The following DCDC1 variants were observed in gnomAD, a reference collection of about 807,000 sequenced individuals.
DCDC1 encodes the protein doublecortin domain containing 1.
Under a neutral mutation model 178.3 loss-of-function variants are expected in DCDC1, and 200 were observed. That is an observed-to-expected ratio of 1.12 (90% CI 1.00 to 1.26). DCDC1 has a LOEUF of 1.26. Among genes scored for constraint, DCDC1 ranks in the 50% most tolerant of loss-of-function variants. The pLI, the probability that DCDC1 is intolerant of heterozygous loss-of-function variation, is 0.00. For missense variants in DCDC1, 1,983 were observed against 1,749.2 expected (o/e 1.13, Z -2.38); for synonymous variants, 690 against 604.8 (o/e 1.14, Z -2.07).
intron 9 of DCDC1, among the ~76,000 whole-genome samples, chr11:31,148,632 T>C (rs1287317483): frequency 1.3e-5 from 2 of 152,114 alleles, no homozygotes; most frequent in Non-Finnish European, 2.9e-5. Context: ...TTTAAAATGG[T>C]TGTTATGCTT....
At chr11:31,206,189 A>G (rs1971843598) in intron 9 of DCDC1, among the ~76,000 whole-genome samples, 1 of 152,238 alleles carries the variant, frequency 6.6e-6, no homozygotes, top group South Asian at 2.1e-4. Flanking sequence ...CATAGTGCTC[A>G]TAGATTACTT....
chr11:30,881,335 T>A lies in DCDC1; in HGVS notation c.5083-27A>T, dbSNP rs374793604. ...TGAGACACAGAGGGACAGCCACATT[T>A]GAATACGGAATGGCACAATATGATC... is the stretch of plus-strand genomic sequence containing the variant. On this transcript the variant is annotated intron_variant, in intron 36 of 38. Transcript: ENST00000684477. The A allele has an allele frequency of 4.3e-5, 69 of 1,610,832 alleles. No individual in the cohort carries two copies. In the South Asian group the frequency reaches 6.3e-4, roughly 15 times the overall value.
At chr11:30,938,666 C>G (rs898816820) in intron 21 of DCDC1, among the ~76,000 whole-genome samples, 3 of 152,172 alleles carry the variant, frequency 2.0e-5, no homozygotes, top group African/African-American at 7.2e-5. Context: ...GCTTGGCACA[C>G]CCAATCCCCA....
chr11:31,289,952 G>C (rs1591654080), intron 7 of DCDC1, among the ~76,000 whole-genome samples: 1 of 151,958 alleles, frequency 6.6e-6, no homozygotes, highest in Non-Finnish European at 1.5e-5. Context: ...ATTATTATTA[G>C]GTTGCTTTTA....
chr11:31,328,358 T>C, intron 2 of DCDC1, 72 bp from the exon 3 acceptor site: 1 of 1,419,168 alleles, frequency 7.0e-7, no homozygotes, highest in South Asian at 1.5e-5. Flanking sequence ...AGGCTGGGCA[T>C]TAAACACAAC....
At chr11:30,951,663 A>G (rs1948432221) in intron 21 of DCDC1, among the ~76,000 whole-genome samples, 2 of 152,136 alleles carry the variant, frequency 1.3e-5, no homozygotes, top group South Asian at 4.1e-4. Flanking sequence ...AAAGTAACAA[A>G]TTAATATACT....
At chr11:30,959,805 G>A (rs1337206628) in intron 20 of DCDC1, among the ~76,000 whole-genome samples, 3 of 152,130 alleles carry the variant, frequency 2.0e-5, no homozygotes, top group Non-Finnish European at 4.4e-5. Flanking sequence ...TCCTTCCCAA[G>A]ATATGTGGGT....
At chr11:31,157,368 A>ATATATATATAT (rs71451195) in intron 9 of DCDC1, among the ~76,000 whole-genome samples, 1 of 109,234 alleles carries the variant, frequency 9.2e-6, no homozygotes, top group Middle Eastern at 4.5e-3. Flanking sequence ...AAAAAAAAAA[A>ATATATATATAT]AAAAATATAT....
intron 9 of DCDC1, among the ~76,000 whole-genome samples, chr11:31,202,411 GA>G (rs941689786): frequency 1.4e-4 from 21 of 147,176 alleles, no homozygotes; most frequent in Admixed American, 6.1e-4. Context: ...AAAAAAAAAA[GA>G]AAAAAAAAAG....
chr11:31,102,365 C>A lies in DCDC1; in HGVS notation c.1878-83G>T, dbSNP rs1054923974. The A allele has an allele frequency of 3.5e-5, 19 of 541,082 alleles. No homozygotes were observed. In the Middle Eastern group the frequency reaches 1.8e-3, roughly 50 times the overall value. The allele number at this position is 541,082 out of a possible 1,614,324, so 33.5% of individuals were successfully genotyped here. On this transcript the variant is annotated intron_variant, in intron 14 of 38. Transcript: ENST00000684477. The stretch of plus-strand genomic sequence containing the variant: ...TGCCCTTTACTCTTTAATTATAATA[C>A]TCTTTATGCTTTATGTATACTCCAT...
At chr11:30,871,277 A>G (rs1448938) in intron 38 of DCDC1, among the ~76,000 whole-genome samples, 71,837 of 151,928 alleles carry the variant, frequency 0.47, 18,377 homozygotes, top group Middle Eastern at 0.59. Flanking sequence ...AGGACCAAGC[A>G]CAGAGAAACA....
chr11:31,362,365 A>G (rs1270520576), intron 1 of DCDC1, among the ~76,000 whole-genome samples: 1 of 152,224 alleles, frequency 6.6e-6, no homozygotes, highest in Non-Finnish European at 1.5e-5. Context: ...AAAAAAACAT[A>G]CAGTGTTTGA....
chr11:31,157,316 A>G (rs1965804346), intron 9 of DCDC1, among the ~76,000 whole-genome samples: 3 of 148,370 alleles, frequency 2.0e-5, no homozygotes, highest in Admixed American at 6.8e-5. Flanking sequence ...ACTTGAGCCC[A>G]GGAGTTCAAG....
chr11:30,974,611 A>C (rs781329277), intron 20 of DCDC1, among the ~76,000 whole-genome samples: 17 of 152,140 alleles, frequency 1.1e-4, no homozygotes, highest in Non-Finnish European at 2.1e-4. Context: ...GAAAACCTAG[A>C]GGGAATGGGT....
At chr11:31,073,199 T>G (rs1956672622) in intron 18 of DCDC1, among the ~76,000 whole-genome samples, 1 of 152,196 alleles carries the variant, frequency 6.6e-6, no homozygotes, top group Non-Finnish European at 1.5e-5. Flanking sequence ...TATCAGTGAT[T>G]GTGTTTGGGA....
intron 9 of DCDC1, among the ~76,000 whole-genome samples, chr11:31,213,345 G>A (rs959561130): frequency 1.3e-5 from 2 of 151,658 alleles, no homozygotes; most frequent in Admixed American, 6.6e-5. Flanking sequence ...TTCCTGCCTG[G>A]CTCCTGAGTC....
chr11:30,902,767 T>C (rs1241823749), intron 32 of DCDC1, among the ~76,000 whole-genome samples: 2 of 152,138 alleles, frequency 1.3e-5, no homozygotes, highest in African/African-American at 4.8e-5. Context: ...AACTTCTAAA[T>C]TATGCCTCTC....
chr11:30,943,733 C>A, intron 21 of DCDC1: 1 of 412,210 alleles, frequency 2.4e-6, no homozygotes, highest in Admixed American at 3.0e-5. Context: ...AAGGCTTTAC[C>A]ATATTTAAAA....
intron 9 of DCDC1, among the ~76,000 whole-genome samples, chr11:31,146,706 C>T (rs1964493050): frequency 1.3e-5 from 2 of 152,166 alleles, no homozygotes; most frequent in South Asian, 4.1e-4. Flanking sequence ...CCAACCTAAA[C>T]TTGACTTCCT....
Sources: gnomAD v4.1 joint callset for allele counts (sites outside exome capture counted in the v4.1 genomes callset) on GRCh38, gnomAD v4.1.1 for gene constraint, MANE v1.5 for transcripts, NCBI Gene and HGNC (gene_info 2026-07-23, HGNC 2026-07-21) for gene names.